SOX6: variants seen among roughly 807,000 people sequenced by gnomAD.
SOX6 encodes the protein SRY-box transcription factor 6, also known as transcription factor SOX-6.
SOX6 carries 11 observed loss-of-function variants against 97.8 expected under a neutral mutation model. That is an observed-to-expected ratio of 0.11 (90% CI 0.07 to 0.19). The LOEUF (loss-of-function observed/expected upper bound fraction) is 0.19. SOX6 is among the 10% of genes least tolerant of loss of function. SOX6 has a pLI of 1.00. For synonymous variants in SOX6, 360 were observed against 371.4 expected (o/e 0.97, Z 0.35); for missense variants, 810 against 1,039.5 (o/e 0.78, Z 3.04).
intron 6 of SOX6, among the ~76,000 whole-genome samples, chr11:16,145,080 A>G (rs1045591056): frequency 6.6e-6 from 1 of 152,226 alleles, no homozygotes; most frequent in Non-Finnish European, 1.5e-5. Context: ...TCCCTGATGA[A>G]CATCAATGCA....
intron 6 of SOX6, among the ~76,000 whole-genome samples, chr11:16,119,319 G>C (rs1564964534): frequency 1.3e-5 from 2 of 152,162 alleles, no homozygotes; most frequent in African/African-American, 4.8e-5. Context: ...ATAAATTCAT[G>C]CCTTAACAGA....
At chr11:16,118,909 T>C (rs1849420256) in intron 6 of SOX6, among the ~76,000 whole-genome samples, 2 of 152,164 alleles carry the variant, frequency 1.3e-5, no homozygotes, top group African/African-American at 4.8e-5. Context: ...GAAGAAAGCT[T>C]CTTAAACTGT....
At chr11:16,538,595 C>T (rs1011692582) in intron 4 of SOX6, among the ~76,000 whole-genome samples, 7 of 151,988 alleles carry the variant, frequency 4.6e-5, no homozygotes, top group Non-Finnish European at 1.0e-4. Context: ...TGTGCAGAGA[C>T]ACACATAGGC....
Position 16,447,728 on chromosome 11 carries a change from GA to G in SOX6, c.-5+28586del, listed in dbSNP as rs1008082723. ...TAAATAATATGAAGATCAAAACAGG[GA>G]AAAAAATTTGCTTACTTTAATGCAA... On this transcript the variant is annotated intron_variant, in intron 1 of 15. Transcript: ENST00000396356. 2.6e-5 allele frequency among the ~76,000 whole-genome samples: 4 copies of G among 152,060 alleles called. No individual in the cohort carries two copies. In the East Asian group the frequency reaches 7.7e-4, roughly 29 times the overall value.
intron 2 of SOX6, among the ~76,000 whole-genome samples, chr11:16,723,417 C>T (rs1848281920): frequency 6.6e-6 from 1 of 151,912 alleles, no homozygotes; most frequent in Non-Finnish European, 1.5e-5. Context: ...ATATGTGCAA[C>T]AAACTTCTGT....
In SOX6 at chr11:15,967,344, T is replaced by C. The variant is rs1853166840; in HGVS notation, c.*5465A>G. On this transcript the variant is annotated 3_prime_UTR_variant, in exon 16 of 16. Coordinates refer to ENST00000683767, the MANE Select transcript of SOX6 (RefSeq NM_001367873.1). ...GTTGTCCCAACAGCCCTACACAAAC[T>C]TTACACTTTGAAACAGCAGCCAGCA... 6.6e-6 allele frequency: 1 copy of C among 152,170 alleles called. No individual in the cohort carries two copies. The highest frequency in any genetic ancestry group is 1.5e-5 in the Non-Finnish European group (1 of 68,040). 9.4% of individuals were successfully genotyped at this position (152,170 alleles called of 1,614,324 possible). A position where few individuals can be genotyped will look rare whatever the true frequency, so the allele number is the denominator to read the frequency against.
intron 4 of SOX6, among the ~76,000 whole-genome samples, chr11:16,514,918 C>A (rs10832630): frequency 6.6e-6 from 1 of 150,948 alleles, no homozygotes; most frequent in African/African-American, 2.4e-5. Context: ...GGTGTATATG[C>A]GCCACATTTT....
At chr11:16,084,224 C>T (rs56039367) in intron 9 of SOX6, among the ~76,000 whole-genome samples, 5,756 of 151,984 alleles carry the variant, frequency 0.038, 350 homozygotes, top group African/African-American at 0.13. Context: ...TACACACATG[C>T]TATACATACA....
Position 16,546,893 on chromosome 11 carries a change from A to G in SOX6, n.609+65188T>C, listed in dbSNP as rs555586226. On this transcript the variant is annotated intron_variant and non_coding_transcript_variant, in intron 4 of 5. Coordinates refer to the SOX6 transcript ENST00000524520. ...AAGAGACTAACATCCAAAATATACA[A>G]GGAATTCAACTGCAAAACCAAAAAA... Among the ~76,000 whole-genome samples the G allele has an allele frequency of 5.9e-5, 9 of 152,328 alleles. No homozygotes were observed. In the East Asian group the frequency reaches 1.7e-3, roughly 29 times the overall value.
chr11:16,442,830 T>G (rs1470314994), intron 1 of SOX6, among the ~76,000 whole-genome samples: 1 of 152,150 alleles, frequency 6.6e-6, no homozygotes, highest in Non-Finnish European at 1.5e-5. Context: ...AAAAAGTATG[T>G]GTCAGGAGAT....
At chr11:16,677,130 G>A (rs1434523980) in intron 3 of SOX6, among the ~76,000 whole-genome samples, 1 of 152,102 alleles carries the variant, frequency 6.6e-6, no homozygotes, top group Non-Finnish European at 1.5e-5. Flanking sequence ...TCATCTGTGA[G>A]AAAGTTCTGA....
At chr11:16,735,815 G>T (rs971103394) in intron 2 of SOX6, among the ~76,000 whole-genome samples, 4 of 151,964 alleles carry the variant, frequency 2.6e-5, no homozygotes, top group African/African-American at 9.7e-5. Context: ...TGTAATTAAG[G>T]CCCTAGGAAT....
chr11:16,198,542 G>A (rs1851852498), intron 4 of SOX6, among the ~76,000 whole-genome samples: 1 of 151,940 alleles, frequency 6.6e-6, no homozygotes. Context: ...ATGTAATCCT[G>A]AGACAAGAAG....
intron 6 of SOX6, among the ~76,000 whole-genome samples, chr11:16,114,646 A>C (rs546195079): frequency 1.1e-4 from 16 of 152,212 alleles, no homozygotes; most frequent in Admixed American, 1.3e-4. Context: ...TCAGTTTGGC[A>C]GGCAGAGGCT....
rs1329710047 is a variant in SOX6 at position 16,583,638 on chromosome 11, C to CATATAT, written n.609+28442_609+28443insATATAT. ...ACATATATATATATATATATATATA[C>CATATAT]ACATACACACACCACATTTTCTTTA... On this transcript the variant is annotated intron_variant and non_coding_transcript_variant, in intron 4 of 5. Coordinates refer to the SOX6 transcript ENST00000524520. Among the ~76,000 whole-genome samples the CATATAT allele has an allele frequency of 4.5e-3, 467 of 104,634 alleles. 11 individuals carry two copies. The highest frequency in any genetic ancestry group is 8.8e-3 in the Non-Finnish European group (399 of 45,514). 68.6% of individuals were successfully genotyped at this position (104,634 alleles called of 152,430 possible). A position where few individuals can be genotyped will look rare whatever the true frequency, so the allele number is the denominator to read the frequency against.
intron 12 of SOX6, among the ~76,000 whole-genome samples, chr11:16,030,666 T>C (rs747126325): frequency 1.3e-5 from 2 of 152,184 alleles, no homozygotes; most frequent in Non-Finnish European, 2.9e-5. Context: ...GATCTGTAAA[T>C]CCATCTACAT....
intron 3 of SOX6, among the ~76,000 whole-genome samples, chr11:16,653,892 T>G (rs1026293267): frequency 2.7e-5 from 4 of 146,330 alleles, no homozygotes; most frequent in South Asian, 4.3e-4. Flanking sequence ...TAACATAATA[T>G]AATATTTATG....
At chr11:16,084,037 T>C (rs1848527963) in intron 9 of SOX6, among the ~76,000 whole-genome samples, 2 of 152,150 alleles carry the variant, frequency 1.3e-5, no homozygotes, top group South Asian at 2.1e-4. Flanking sequence ...GGGAAATCTA[T>C]GTTAAAGTAC....
chr11:16,184,345 G>T (rs1449252474), intron 5 of SOX6, among the ~76,000 whole-genome samples: 1 of 152,010 alleles, frequency 6.6e-6, no homozygotes, highest in Non-Finnish European at 1.5e-5. Context: ...AAAAATCTTC[G>T]TATTATTGCT....
Sources: allele counts gnomAD v4.1 joint callset (sites outside exome capture counted in the v4.1 genomes callset), GRCh38; gene constraint gnomAD v4.1.1; transcripts MANE v1.5; gene names NCBI Gene and HGNC (gene_info 2026-07-23, HGNC 2026-07-21).